Variants in CABP1 observed in about 807,000 individuals in gnomAD.
CABP1 encodes calcium binding protein 1.
A neutral mutation model predicts 34.3 loss-of-function variants in CABP1; 17 were observed. That is an observed-to-expected ratio of 0.50 (90% CI 0.34 to 0.74). The LOEUF (loss-of-function observed/expected upper bound fraction) is 0.74. Among genes scored for constraint, CABP1 ranks in the 30% least tolerant of loss-of-function variants. CABP1 has a pLI of 0.01. For synonymous variants in CABP1, 198 were observed against 229.2 expected (o/e 0.86, Z 1.23); for missense variants, 373 against 511.1 (o/e 0.73, Z 2.61).
At chr12:120,668,320 T>C (rs1881119608), downstream of CABP1, among the ~76,000 whole-genome samples, 1 of 152,192 alleles carries the variant, frequency 6.6e-6, no homozygotes, top group Non-Finnish European at 1.5e-5. Flanking sequence ...CAACGTGGCC[T>C]GTCTCTACAA....
chr12:120,668,388 A>G (rs925645530), downstream of CABP1, among the ~76,000 whole-genome samples: 1 of 152,080 alleles, frequency 6.6e-6, no homozygotes, highest in African/African-American at 2.4e-5. Flanking sequence ...CTTCAGGAGA[A>G]TCGCTTGAAC....
chr12:120,650,708 T>G (rs959909538), intron 1 of CABP1: 1 of 1,610,542 alleles, frequency 6.2e-7, no homozygotes, highest in Non-Finnish European at 8.5e-7. Flanking sequence ...TTCCAAGATC[T>G]GGGGCTGGGG....
At chr12:120,678,752 C>T in the CABP1 span, among the ~76,000 whole-genome samples, 1 of 152,108 alleles carries the variant, frequency 6.6e-6, no homozygotes, top group Non-Finnish European at 1.5e-5. Context: ...GCTACGTGCT[C>T]AATGGTCCCA....
the CABP1 span, among the ~76,000 whole-genome samples, chr12:120,677,675 G>A: frequency 1.3e-5 from 2 of 152,154 alleles, no homozygotes; most frequent in Non-Finnish European, 2.9e-5. Flanking sequence ...CTGAAGTGTT[G>A]GAATTATAGG....
intron 1 of CABP1, among the ~76,000 whole-genome samples, chr12:120,657,858 T>C (rs983036847): frequency 6.6e-6 from 1 of 152,148 alleles, no homozygotes; most frequent in Non-Finnish European, 1.5e-5. Flanking sequence ...AGTGGGAGGC[T>C]GCTTAAGGCC....
intron 1 of CABP1, among the ~76,000 whole-genome samples, chr12:120,644,968 C>T (rs546735452): frequency 1.8e-4 from 27 of 152,288 alleles, no homozygotes; most frequent in African/African-American, 6.5e-4. Context: ...CCGCACCTGG[C>T]TAATTTTTGT....
downstream of CABP1, among the ~76,000 whole-genome samples, chr12:120,667,634 G>A (rs146932365): frequency 6.6e-6 from 1 of 151,974 alleles, no homozygotes; most frequent in Non-Finnish European, 1.5e-5. Context: ...GATTACAGGC[G>A]CCCGCCACCA....
In CABP1 at chr12:120,650,488, C is replaced by A; in HGVS notation, c.654+9149C>A. 7 of 1,517,716 alleles carry A rather than the reference C, an allele frequency of 4.6e-6. No individual in the cohort carries two copies. The South Asian group carries it at 7.8e-5, about 17-fold the overall frequency. The allele number at this position is 1,517,716 out of a possible 1,614,324, so 94.0% of individuals were successfully genotyped here. On this transcript the variant is annotated intron_variant, in intron 1 of 5. Coordinates refer to ENST00000316803, the MANE Select transcript of CABP1 (RefSeq NM_001033677.2). Reference sequence around the variant, plus strand: ...AGGCAGACGAGTAAGAGAGCACGCGCGCAAGAGAGGGCTCACATCCGTCCT... The same window carrying A: ...AGGCAGACGAGTAAGAGAGCACGCGAGCAAGAGAGGGCTCACATCCGTCCT...
At chr12:120,664,241 A>G (rs1880828944) in intron 5 of CABP1, among the ~76,000 whole-genome samples, 1 of 152,170 alleles carries the variant, frequency 6.6e-6, no homozygotes, top group Admixed American at 6.5e-5. Context: ...ACCAGAGAAA[A>G]CAATAGCATA....
chr12:120,663,608 A>G (rs1163897185), intron 5 of CABP1, among the ~76,000 whole-genome samples: 2 of 152,164 alleles, frequency 1.3e-5, no homozygotes, highest in Admixed American at 1.3e-4. Context: ...ATCAATAGTA[A>G]TCATAATAGT....
intron 5 of CABP1, among the ~76,000 whole-genome samples, chr12:120,665,323 A>C (rs2077046555): frequency 1.3e-5 from 2 of 152,008 alleles, no homozygotes; most frequent in African/African-American, 4.8e-5. Context: ...CTACCTGGAG[A>C]GCTGAGGTGG....
chr12:120,654,114 C>T (rs1405725723), intron 1 of CABP1, among the ~76,000 whole-genome samples: 1 of 152,220 alleles, frequency 6.6e-6, no homozygotes, highest in Non-Finnish European at 1.5e-5. Context: ...CTCTGAATCA[C>T]AACTCTTTGG....
At chr12:120,655,486 C>A (rs1880119716) in intron 1 of CABP1, 11 of 1,073,870 alleles carry the variant, frequency 1.0e-5, no homozygotes, top group Admixed American at 4.7e-5. Flanking sequence ...CCTCTCACAC[C>A]CTGCCTGCTT....
At chr12:120,677,729 A>G in the CABP1 span, among the ~76,000 whole-genome samples, 9 of 152,132 alleles carry the variant, frequency 5.9e-5, no homozygotes, top group Non-Finnish European at 8.8e-5. Flanking sequence ...TATCGTACTC[A>G]TTGCAACTCT....
chr12:120,647,560 C>CTTTTTTTTTTTTTTTTTTTTTT, intron 1 of CABP1, among the ~76,000 whole-genome samples: 1 of 75,666 alleles, frequency 1.3e-5, no homozygotes, highest in Non-Finnish European at 2.3e-5. Context: ...CAGTCCAAGC[C>CTTTTTTTTTTTTTTTTTTTTTT]TTTTTTTTTT....
Position 120,661,539 on chromosome 12 carries a change from C to G in CABP1, c.1087+321C>G. On this transcript the variant is annotated intron_variant, in intron 5 of 5. Transcript: ENST00000316803. The surrounding 1 kb of genome is among the most constrained non-coding windows in gnomAD (Gnocchi z 5.1). The stretch of plus-strand genomic sequence containing the variant: ...TCCATTTATCTACCCATCTATCCAT[C>G]CATCCATCCTCTACCTATCCATCCA... The G allele has an allele frequency of 3.5e-6, 1 of 289,108 alleles. No homozygotes were observed. Among genetic ancestry groups the G allele is most frequent in the Non-Finnish European group, 6.6e-6 (1 of 152,112 alleles). 17.9% of individuals were successfully genotyped at this position (289,108 alleles called of 1,614,324 possible).
Position 120,666,970 on chromosome 12 carries a change from ACCC to A in CABP1, c.*71_*73del. 6.5e-7 allele frequency: 1 copy of A among 1,537,758 alleles called. No individual in the cohort carries two copies. Among genetic ancestry groups the A allele is most frequent in the South Asian group, 1.2e-5 (1 of 84,870 alleles). On this transcript the variant is annotated 3_prime_UTR_variant, in exon 6 of 6. Transcript: ENST00000316803. ...GCTAAGAGGAGCTAGAGCTTGCCTC[ACCC>A]GCTGTAGCCGCCGAGAGCCCAGGAT...
chr12:120,677,084 G>GTTT, the CABP1 span, among the ~76,000 whole-genome samples: 7 of 127,770 alleles, frequency 5.5e-5, 1 homozygote, highest in Non-Finnish European at 4.9e-5. Flanking sequence ...GAAGTTTGTG[G>GTTT]TTTTTTTTTT....
At chr12:120,650,701 C>A in intron 1 of CABP1, 1 of 1,612,818 alleles carries the variant, frequency 6.2e-7, no homozygotes, top group African/African-American at 1.3e-5. Flanking sequence ...TTGGAGTTTC[C>A]AAGATCTGGG....
Sources: allele counts gnomAD v4.1 joint callset (sites outside exome capture counted in the v4.1 genomes callset), GRCh38; gene constraint gnomAD v4.1.1; non-coding constraint Gnocchi (gnomAD v3.1); transcripts MANE v1.5; gene names NCBI Gene and HGNC (gene_info 2026-07-23, HGNC 2026-07-21).